PROM1: variants seen among roughly 807,000 people sequenced by gnomAD.
PROM1 encodes prominin-1.
A neutral mutation model predicts 116.9 loss-of-function variants in PROM1; 105 were observed. That is an observed-to-expected ratio of 0.90 (90% confidence interval 0.77 to 1.06). PROM1 has a LOEUF of 1.06. Among genes scored for constraint, PROM1 ranks in the 50% least tolerant of loss-of-function variants. PROM1 has a pLI of 0.00. For synonymous variants in PROM1, 393 were observed against 387.0 expected (o/e 1.02, Z -0.18); for missense variants, 1,122 against 1,045.2 (o/e 1.07, Z -1.01).
chr4:16,046,032 A>T (rs1202405818), intron 2 of PROM1, among the ~76,000 whole-genome samples: 1 of 152,234 alleles, frequency 6.6e-6, no homozygotes, highest in Non-Finnish European at 1.5e-5. Context: ...AAATGTTCTC[A>T]GGTAACAGTG....
chr4:16,000,414 G>T, intron 14 of PROM1, 82 bp downstream of exon 14: 1 of 1,261,656 alleles, frequency 7.9e-7, no homozygotes, highest in Non-Finnish European at 1.1e-6. Context: ...AGTTTGCACT[G>T]CTCTTAAAGT....
chr4:16,008,054 A>G (rs1443818132), intron 12 of PROM1, among the ~76,000 whole-genome samples: 1 of 152,248 alleles, frequency 6.6e-6, no homozygotes, highest in Non-Finnish European at 1.5e-5. Context: ...ATTAAAAGAA[A>G]TGTGCAGAAA....
chr4:16,045,466 C>T (rs1404568772), intron 2 of PROM1, among the ~76,000 whole-genome samples: 1 of 152,150 alleles, frequency 6.6e-6, no homozygotes, highest in African/African-American at 2.4e-5. Flanking sequence ...CAGTGAACCA[C>T]AAACATTTTG....
chr4:16,055,471 T>C (rs1404933529), intron 2 of PROM1: 10 of 455,668 alleles, frequency 2.2e-5, no homozygotes, highest in South Asian at 1.6e-4. Context: ...AAGTAGGGAA[T>C]TGAATAATTA....
chr4:16,020,250 T>C (rs1036892624), intron 8 of PROM1, among the ~76,000 whole-genome samples: 21 of 152,344 alleles, frequency 1.4e-4, no homozygotes, highest in African/African-American at 4.3e-4. Context: ...TTTACCTGAA[T>C]AGAAAACCTT....
intron 2 of PROM1, among the ~76,000 whole-genome samples, chr4:16,039,512 T>C (rs368950608): frequency 3.1e-4 from 47 of 152,194 alleles, no homozygotes; most frequent in African/African-American, 1.1e-3. Context: ...CAGAGGCAGG[T>C]GGATCACCCG....
Position 16,006,700 on chromosome 4 carries a change from C to G in PROM1, c.1302-10G>C. The G allele has an allele frequency of 6.2e-7, 1 of 1,612,216 alleles. No individual in the cohort carries two copies. The highest frequency in any genetic ancestry group is 1.1e-5 in the South Asian group (1 of 90,434). On this transcript the variant is annotated splice_polypyrimidine_tract_variant and intron_variant, in intron 12 of 27. Transcript: ENST00000447510. ...CAGGCCACCCAGCCACCTGGAGAGG[C>G]AAGCACAGTGTTAGTATACATGACA...
intron 2 of PROM1, among the ~76,000 whole-genome samples, chr4:16,056,131 T>A (rs1478765893): frequency 2.0e-5 from 3 of 152,132 alleles, no homozygotes; most frequent in Non-Finnish European, 4.4e-5. Context: ...ACGAGCATCC[T>A]CGTGGGGGCT....
intron 14 of PROM1, among the ~76,000 whole-genome samples, chr4:15,999,686 T>C (rs1410601947): frequency 2.0e-5 from 3 of 152,184 alleles, no homozygotes; most frequent in Admixed American, 1.3e-4. Context: ...TGGAGATCAT[T>C]TGACCTGCTG....
chr4:16,003,619 A>C (rs1410420434), intron 13 of PROM1, among the ~76,000 whole-genome samples: 2 of 152,158 alleles, frequency 1.3e-5, no homozygotes, highest in African/African-American at 4.8e-5. Context: ...CCCCTGCAAC[A>C]GATAATACAT....
intron 11 of PROM1, among the ~76,000 whole-genome samples, chr4:16,009,319 C>T (rs528561068): frequency 6.6e-6 from 1 of 152,234 alleles, no homozygotes; most frequent in African/African-American, 2.4e-5. Flanking sequence ...TGAGCACTGA[C>T]TTTAATGAGA....
At chr4:15,979,506 A>G in intron 25 of PROM1, 43 bp from the exon 26 acceptor site, 2 of 1,575,572 alleles carry the variant, frequency 1.3e-6, no homozygotes, top group East Asian at 2.3e-5. Flanking sequence ...TGTTATCTCT[A>G]AGATGAAGTA....
chr4:15,994,073 T>C lies in PROM1; in HGVS notation c.1683-2A>G, dbSNP rs763960922. 5 of 1,613,962 alleles carry C rather than the reference T, an allele frequency of 3.1e-6. No individual in the cohort carries two copies. Among genetic ancestry groups the C allele is most frequent in the Admixed American group, 1.7e-5 (1 of 60,016 alleles). ...GTGCCTCTATTTTTTTTGCAGTCAC[T>C]GTGGGAATGAACAGAGAAATTAGGA... is the stretch of plus-strand genomic sequence containing the variant. On this transcript the variant is annotated splice_acceptor_variant, in intron 15 of 27. Coordinates refer to ENST00000447510, the MANE Select transcript of PROM1 (RefSeq NM_006017.3). LOFTEE classifies it high-confidence loss of function.
rs566043963 is a variant in PROM1 at position 16,009,179 on chromosome 4, A to G, written c.1142-71T>C. The G allele has an allele frequency of 1.1e-3, 1,491 of 1,393,298 alleles. 2 individuals are homozygous for G. The highest frequency in any genetic ancestry group is 1.4e-3 in the Non-Finnish European group (1,365 of 1,001,474). 86.3% of individuals were successfully genotyped at this position (1,393,298 alleles called of 1,614,324 possible). On this transcript the variant is annotated intron_variant, in intron 11 of 27. Coordinates refer to ENST00000447510, the MANE Select transcript of PROM1 (RefSeq NM_006017.3). The stretch of plus-strand genomic sequence containing the variant: ...AATAGAAACTTTGTTTTGGAACCAA[A>G]CAGAAAAGCCTGAACCACCTTTAGT...
At chr4:16,026,218 A>T (rs1213214410) in intron 5 of PROM1, among the ~76,000 whole-genome samples, 1 of 152,234 alleles carries the variant, frequency 6.6e-6, no homozygotes, top group African/African-American at 2.4e-5. Flanking sequence ...CTAATGTAAT[A>T]ATTTTTAAGG....
chr4:15,994,218 C>A, intron 15 of PROM1, 147 bp from the exon 16 acceptor site: 1 of 1,467,500 alleles, frequency 6.8e-7, no homozygotes, highest in Non-Finnish European at 9.0e-7. Flanking sequence ...AGTGGCCACA[C>A]AAATCCCCCA....
At chr4:16,039,708 A>G (rs978727185) in intron 2 of PROM1, among the ~76,000 whole-genome samples, 1 of 137,100 alleles carries the variant, frequency 7.3e-6, no homozygotes, top group African/African-American at 2.9e-5. Context: ...ACTGCACTCC[A>G]GACTGTCAAA....
intron 1 of PROM1, 190 bp downstream of exon 1, chr4:16,083,788 T>G (rs936394563): frequency 3.3e-5 from 5 of 151,856 alleles, no homozygotes; most frequent in African/African-American, 1.2e-4. Context: ...CGCGACGGCT[T>G]TCGGAGAGCC....
chr4:16,001,775 T>C (rs1217116055), intron 13 of PROM1, among the ~76,000 whole-genome samples: 1 of 152,018 alleles, frequency 6.6e-6, no homozygotes, highest in Non-Finnish European at 1.5e-5. Context: ...TCTGAGAGCC[T>C]GTGTGGGGGA....
Sources: allele counts gnomAD v4.1 joint callset (sites outside exome capture counted in the v4.1 genomes callset), GRCh38; gene constraint gnomAD v4.1.1; transcripts MANE v1.5; gene names NCBI Gene and HGNC (gene_info 2026-07-23, HGNC 2026-07-21).